The following EPB41L3 variants were observed in gnomAD, a reference collection of about 807,000 sequenced individuals.
The protein encoded by EPB41L3 is band 4.1-like protein 3.
Under a neutral mutation model 127.1 loss-of-function variants are expected in EPB41L3, and 57 were observed. The observed-to-expected ratio is 0.45, with a 90% CI of 0.36 to 0.56. The LOEUF is 0.56. Ranked by LOEUF, EPB41L3 falls within the 20% of genes least tolerant of loss-of-function variation. EPB41L3 has a pLI of 0.00. For missense variants in EPB41L3, 1,273 were observed against 1,372.2 expected (o/e 0.93, Z 1.14); for synonymous variants, 572 against 549.5 (o/e 1.04, Z -0.57).
chr18:5,574,043 T>G (rs1320283827), intron 3 of EPB41L3, among the ~76,000 whole-genome samples: 1 of 152,012 alleles, frequency 6.6e-6, no homozygotes, highest in African/African-American at 2.4e-5. Context: ...CCCAAACAGC[T>G]GGGACTACAG....
intron 22 of EPB41L3, 152 bp downstream of exon 22, chr18:5,394,525 C>A: frequency 1.6e-6 from 1 of 609,874 alleles, no homozygotes; most frequent in South Asian, 2.1e-5. Flanking sequence ...TGAGACAAAC[C>A]CATAAACCAA....
chr18:5,598,976 AG>A (rs376467386), intron 3 of EPB41L3, among the ~76,000 whole-genome samples: 134 of 152,338 alleles, frequency 8.8e-4, no homozygotes, highest in African/African-American at 3.1e-3. Context: ...GATTAACTGG[AG>A]AAGGAAAGAA....
At position 5,396,207 on chromosome 18, in the gene EPB41L3, T is replaced by C. The variant is rs779517862; in HGVS notation, c.2967A>G (p.Ser989=). 2 of 1,614,150 alleles carry C rather than the reference T, an allele frequency of 1.2e-6. No individual in the cohort carries two copies. Among genetic ancestry groups the C allele is most frequent in the Admixed American group, 3.3e-5 (2 of 60,026 alleles). The change falls in exon 19 of 23, where the codon TCA becomes TCG. Residue 989 remains serine (S), a synonymous_variant. Transcript: ENST00000341928. ...HTETKTITYE[S]SQVDPGTDLE... is the part of the protein sequence containing the mutation. ...TCTTCACAGAATATCTCACCTGTGA[T>C]GATTCATATGTGATGGTTTTGGTTT...
At chr18:5,452,304 G>A (rs967674417) in intron 3 of EPB41L3, among the ~76,000 whole-genome samples, 9 of 151,812 alleles carry the variant, frequency 5.9e-5, no homozygotes, top group Admixed American at 1.3e-4. Flanking sequence ...TAGCTTTTTC[G>A]GATTTCGTCT....
At chr18:5,554,881 T>C (rs1392392930) in intron 3 of EPB41L3, among the ~76,000 whole-genome samples, 1 of 152,236 alleles carries the variant, frequency 6.6e-6, no homozygotes, top group African/African-American at 2.4e-5. Context: ...ACATTATTTC[T>C]CATATCAATG....
chr18:5,567,065 A>T (rs1456302735), intron 3 of EPB41L3: 1 of 152,184 alleles, frequency 6.6e-6, no homozygotes, highest in East Asian at 1.9e-4. Flanking sequence ...CTTGGCCCCC[A>T]AAAGTGCTGG....
chr18:5,484,847 AGTC>A (rs1216735690), intron 2 of EPB41L3, among the ~76,000 whole-genome samples: 1 of 151,990 alleles, frequency 6.6e-6, no homozygotes, highest in African/African-American at 2.4e-5. Context: ...TATAATAAAA[AGTC>A]TTCTATCAAA....
At chr18:5,430,926 A>C (rs2078927109) in intron 8 of EPB41L3, among the ~76,000 whole-genome samples, 1 of 152,022 alleles carries the variant, frequency 6.6e-6, no homozygotes, top group East Asian at 1.9e-4. Flanking sequence ...ACTATCAATA[A>C]ATACATGTGC....
intron 9 of EPB41L3, among the ~76,000 whole-genome samples, chr18:5,427,045 C>T (rs2078283875): frequency 6.6e-6 from 1 of 151,596 alleles, no homozygotes; most frequent in Admixed American, 6.6e-5. Context: ...GCTCTGTCAC[C>T]CAGGCTGGGG....
chr18:5,415,263 T>C (rs1457676550), intron 13 of EPB41L3, among the ~76,000 whole-genome samples: 1 of 152,212 alleles, frequency 6.6e-6, no homozygotes, highest in Non-Finnish European at 1.5e-5. Flanking sequence ...TCTGATTGAC[T>C]GACCTCTCTG....
intron 16 of EPB41L3, chr18:5,398,441 A>G: frequency 2.3e-6 from 1 of 435,670 alleles, no homozygotes; most frequent in Non-Finnish European, 4.0e-6. Flanking sequence ...GGGAACAGGG[A>G]GCTGGAAATA....
chr18:5,509,622 A>G (rs927726641), intron 1 of EPB41L3, among the ~76,000 whole-genome samples: 7 of 152,194 alleles, frequency 4.6e-5, no homozygotes, highest in Non-Finnish European at 8.8e-5. Flanking sequence ...AATCAGAGTC[A>G]AATTGTTCTG....
At chr18:5,531,735 A>G (rs2093419191) in intron 1 of EPB41L3, among the ~76,000 whole-genome samples, 1 of 149,080 alleles carries the variant, frequency 6.7e-6, no homozygotes, top group African/African-American at 2.5e-5. Context: ...CTGTCTCAAA[A>G]AAAAAAAAAA....
chr18:5,493,199 T>A (rs1474885319), intron 1 of EPB41L3, among the ~76,000 whole-genome samples: 1 of 152,220 alleles, frequency 6.6e-6, no homozygotes, highest in East Asian at 1.9e-4. Context: ...CTTGCTGACA[T>A]AAAAATTCAG....
chr18:5,601,182 A>G (rs2094587031), intron 3 of EPB41L3, among the ~76,000 whole-genome samples: 1 of 152,178 alleles, frequency 6.6e-6, no homozygotes, highest in African/African-American at 2.4e-5. Flanking sequence ...CACATGTTCA[A>G]TTATGGTTAA....
intron 1 of EPB41L3, among the ~76,000 whole-genome samples, chr18:5,540,163 AT>A (rs1374857750): frequency 1.3e-5 from 2 of 152,006 alleles, no homozygotes; most frequent in Non-Finnish European, 2.9e-5. Context: ...TTGTTCTTTA[AT>A]TTTGTAAATG....
chr18:5,453,200 G>C (rs1191296171), intron 3 of EPB41L3, among the ~76,000 whole-genome samples: 1 of 152,214 alleles, frequency 6.6e-6, no homozygotes, highest in Non-Finnish European at 1.5e-5. Context: ...ACAAAGCTAT[G>C]AATCAGCCTG....
chr18:5,627,673 T>A (rs1405995712), intron 1 of EPB41L3, among the ~76,000 whole-genome samples: 1 of 152,196 alleles, frequency 6.6e-6, no homozygotes, highest in Admixed American at 6.5e-5. Flanking sequence ...TAAGCCCTGG[T>A]CTACACAAAC....
rs1209112670 is a variant in EPB41L3 at position 5,543,929 on chromosome 18, G to A, written c.-28C>T. 1 of 984,382 alleles carries A rather than the reference G, an allele frequency of 1.0e-6. No individual in the cohort carries two copies. The highest frequency in any genetic ancestry group is 1.2e-6 in the Non-Finnish European group (1 of 829,710). The allele number at this position is 984,382 out of a possible 1,614,324, so 61.0% of individuals were successfully genotyped here. The stretch of plus-strand genomic sequence containing the variant: ...AAAAGTTACCTGGGATCAGCAGGGA[G>A]CCCGGGCGCGCCGCGGCGTGGGGAC... On this transcript the variant is annotated 5_prime_UTR_variant, in exon 1 of 23. Transcript: ENST00000341928. The surrounding 1 kb of genome is among the most constrained non-coding windows in gnomAD (Gnocchi z 5.2).
Sources: allele counts gnomAD v4.1 joint callset (sites outside exome capture counted in the v4.1 genomes callset), GRCh38; gene constraint gnomAD v4.1.1; non-coding constraint Gnocchi (gnomAD v3.1); transcripts MANE v1.5; gene names NCBI Gene and HGNC (gene_info 2026-07-23, HGNC 2026-07-21).